Variants in PGCKA1 observed in about 807,000 individuals in gnomAD.
PGCKA1 encodes PDCD10 and GCKIII kinases-associated protein 1.
the PGCKA1 span, among the ~76,000 whole-genome samples, chr4:37,546,617 TC>T: frequency 6.6e-6 from 1 of 152,224 alleles, no homozygotes; most frequent in Non-Finnish European, 1.5e-5. Flanking sequence ...ATAAAGCCCT[TC>T]CTTCTAAAAC....
the PGCKA1 span, among the ~76,000 whole-genome samples, chr4:37,511,414 G>C: frequency 6.6e-6 from 1 of 152,070 alleles, no homozygotes; most frequent in Non-Finnish European, 1.5e-5. Context: ...TAGTCAGTAG[G>C]TAATGGATCC....
the PGCKA1 span, among the ~76,000 whole-genome samples, chr4:37,589,759 G>A: frequency 1.3e-5 from 2 of 152,128 alleles, no homozygotes; most frequent in Non-Finnish European, 2.9e-5. Context: ...AGCCTCCCGA[G>A]TAGCTGGGAT....
chr4:37,528,504 C>T, the PGCKA1 span, among the ~76,000 whole-genome samples: 1 of 152,078 alleles, frequency 6.6e-6, no homozygotes, highest in Non-Finnish European at 1.5e-5. Flanking sequence ...CTTTGGGGCA[C>T]CTCTTTGGGG....
the PGCKA1 span, among the ~76,000 whole-genome samples, chr4:37,484,264 C>T: frequency 1.8e-4 from 27 of 152,072 alleles, 1 homozygote; most frequent in East Asian, 1.2e-3. Flanking sequence ...TCCACAATCA[C>T]GACAGAAGGT....
the PGCKA1 span, among the ~76,000 whole-genome samples, chr4:37,502,466 G>C: frequency 2.0e-5 from 3 of 152,120 alleles, no homozygotes; most frequent in Admixed American, 6.5e-5. Context: ...GAAGTCTCCA[G>C]TGTTTTCCAC....
At chr4:37,571,565 T>G in the PGCKA1 span, among the ~76,000 whole-genome samples, 1 of 150,194 alleles carries the variant, frequency 6.7e-6, no homozygotes, top group Non-Finnish European at 1.5e-5. Context: ...TGAGACAGAG[T>G]CTCGCTCTGT....
At chr4:37,575,108 A>G in the PGCKA1 span, among the ~76,000 whole-genome samples, 2 of 152,174 alleles carry the variant, frequency 1.3e-5, no homozygotes, top group South Asian at 2.1e-4. Context: ...TCTCATGGAT[A>G]TATACTCAGC....
the PGCKA1 span, chr4:37,588,940 T>G: frequency 2.0e-6 from 3 of 1,513,820 alleles, no homozygotes; most frequent in African/African-American, 4.1e-5. Context: ...GAGGAATTTG[T>G]GATGAGCGTG....
the PGCKA1 span, among the ~76,000 whole-genome samples, chr4:37,551,898 A>G: frequency 2.0e-5 from 3 of 152,232 alleles, no homozygotes; most frequent in Non-Finnish European, 4.4e-5. Flanking sequence ...ATAAATCACT[A>G]TCAATCTATT....
At chr4:37,549,921 C>A in the PGCKA1 span, among the ~76,000 whole-genome samples, 4 of 152,148 alleles carry the variant, frequency 2.6e-5, no homozygotes, top group South Asian at 8.3e-4. Context: ...CATCGTGGGA[C>A]TTATTTTCCT....
the PGCKA1 span, among the ~76,000 whole-genome samples, chr4:37,526,311 A>C: frequency 6.6e-6 from 1 of 152,264 alleles, no homozygotes. Context: ...ATATAGGTCT[A>C]GAATCAATCA....
chr4:37,455,506 A>G, the PGCKA1 span, among the ~76,000 whole-genome samples: 1 of 152,118 alleles, frequency 6.6e-6, no homozygotes, highest in Non-Finnish European at 1.5e-5. Flanking sequence ...TTCTGTGTCT[A>G]TCCTCTGATC....
chr4:37,562,227 T>G, the PGCKA1 span, among the ~76,000 whole-genome samples: 1 of 151,680 alleles, frequency 6.6e-6, no homozygotes, highest in Non-Finnish European at 1.5e-5. Context: ...CAAATTAACG[T>G]TAGTAAGTCA....
At chr4:37,474,603 G>A in the PGCKA1 span, among the ~76,000 whole-genome samples, 1 of 152,110 alleles carries the variant, frequency 6.6e-6, no homozygotes, top group Non-Finnish European at 1.5e-5. Flanking sequence ...ACTAGCTAAT[G>A]GTTTCTTTGT....
chr4:37,590,164 G>A, the PGCKA1 span: 14 of 1,614,016 alleles, frequency 8.7e-6, no homozygotes, highest in African/African-American at 4.0e-5. Flanking sequence ...AGATGAAGAC[G>A]ACACTGATAA....
the PGCKA1 span, among the ~76,000 whole-genome samples, chr4:37,552,379 G>A: frequency 2.0e-5 from 3 of 152,222 alleles, no homozygotes; most frequent in East Asian, 5.8e-4. Context: ...TTTTAAGACA[G>A]TAGCTTGCCG....
chr4:37,531,891 CA>C, the PGCKA1 span, among the ~76,000 whole-genome samples: 11,536 of 70,898 alleles, frequency 0.16, 538 homozygotes, highest in South Asian at 0.28. Context: ...GAATCTGTCT[CA>C]AAAAAAAAAA....
the PGCKA1 span, among the ~76,000 whole-genome samples, chr4:37,466,593 A>G: frequency 3.3e-5 from 5 of 152,176 alleles, no homozygotes; most frequent in African/African-American, 1.2e-4. Flanking sequence ...GCAGAAGAAG[A>G]TGTTGATTCT....
At chr4:37,479,967 A>G in the PGCKA1 span, among the ~76,000 whole-genome samples, 5 of 152,230 alleles carry the variant, frequency 3.3e-5, no homozygotes, top group African/African-American at 1.2e-4. Flanking sequence ...GGTAGAAAGA[A>G]GTGAATTAAT....
Sources: gnomAD v4.1 joint callset for allele counts (sites outside exome capture counted in the v4.1 genomes callset) on GRCh38, gnomAD v4.1.1 for gene constraint, MANE v1.5 for transcripts, NCBI Gene and HGNC (gene_info 2026-07-23, HGNC 2026-07-21) for gene names.